Variants in RPTOR observed in about 807,000 individuals in gnomAD.
The protein encoded by RPTOR is regulatory-associated protein of mTOR.
Under a neutral mutation model 169.9 loss-of-function variants are expected in RPTOR, and 21 were observed. The ratio of observed to expected loss-of-function variants is 0.12; its 90% CI spans 0.09 to 0.18. The LOEUF (loss-of-function observed/expected upper bound fraction) is 0.18, where lower values mean the gene tolerates loss of function less well. RPTOR is among the 10% of genes least tolerant of loss of function. RPTOR has a pLI of 1.00. For missense variants in RPTOR, 1,133 were observed against 1,855.9 expected (o/e 0.61, Z 7.16); for synonymous variants, 732 against 753.2 (o/e 0.97, Z 0.46).
At chr17:80,683,614 C>T (rs1410170475) in intron 3 of RPTOR, among the ~76,000 whole-genome samples, 1 of 152,074 alleles carries the variant, frequency 6.6e-6, no homozygotes, top group Non-Finnish European at 1.5e-5. Flanking sequence ...TTTTTCTTCC[C>T]TTCGCCCCCA....
At chr17:80,623,183 T>C (rs984894908) in intron 1 of RPTOR, among the ~76,000 whole-genome samples, 10 of 152,178 alleles carry the variant, frequency 6.6e-5, no homozygotes, top group African/African-American at 2.4e-4. Flanking sequence ...GTCAATACGC[T>C]AAGATCTAAA....
chr17:80,598,558 C>T (rs1309168357), intron 1 of RPTOR, among the ~76,000 whole-genome samples: 1 of 152,208 alleles, frequency 6.6e-6, no homozygotes, highest in Non-Finnish European at 1.5e-5. Context: ...CAGGAACGTT[C>T]GCATTTGCAG....
intron 4 of RPTOR, among the ~76,000 whole-genome samples, chr17:80,710,026 GAGTACAGTGGCA>G (rs2066174347): frequency 6.6e-6 from 1 of 151,516 alleles, no homozygotes; most frequent in Admixed American, 6.6e-5. Flanking sequence ...ACCCAGGCTG[GAGTACAGTGGCA>G]TGATCATGGC....
At chr17:80,671,839 G>A (rs2065824216) in intron 3 of RPTOR, among the ~76,000 whole-genome samples, 2 of 152,284 alleles carry the variant, frequency 1.3e-5, no homozygotes, top group East Asian at 1.9e-4. Context: ...GGTGTGCGTG[G>A]TGTTCTTTGC....
At chr17:80,926,798 C>T (rs4969227) in intron 24 of RPTOR, among the ~76,000 whole-genome samples, 45,668 of 152,166 alleles carry the variant, frequency 0.3, 7,049 homozygotes, top group Middle Eastern at 0.36. Flanking sequence ...ACTAGAGATT[C>T]GCAAATGGCG....
chr17:80,902,975 C>A (rs2068495293), intron 20 of RPTOR, among the ~76,000 whole-genome samples: 1 of 152,258 alleles, frequency 6.6e-6, no homozygotes, highest in Admixed American at 6.5e-5. Flanking sequence ...CAGCCTCATC[C>A]CGAGAGCGCT....
intron 3 of RPTOR, among the ~76,000 whole-genome samples, chr17:80,666,949 C>T (rs1027403330): frequency 2.6e-5 from 4 of 152,190 alleles, no homozygotes; most frequent in Non-Finnish European, 5.9e-5. Context: ...CTTTATAGTC[C>T]AGCCAACAGC....
Position 80,925,355 on chromosome 17 carries a change from G to T in RPTOR, c.2809-15G>T. On this transcript the variant is annotated splice_polypyrimidine_tract_variant and intron_variant, in intron 23 of 33. Transcript: ENST00000306801. ...GTTTCTTTTTCCTTCCAACCCTCCTGCTTAAACCCTGAAGACTGCGGACGA... is the reference window on the plus strand; with the variant it reads ...GTTTCTTTTTCCTTCCAACCCTCCTTCTTAAACCCTGAAGACTGCGGACGA... The T allele has an allele frequency of 1.2e-6, 2 of 1,610,604 alleles. No homozygotes were observed. The highest frequency in any genetic ancestry group is 8.5e-7 in the Non-Finnish European group (1 of 1,177,590).
At chr17:80,858,174 G>A in intron 13 of RPTOR, 1 of 476,950 alleles carries the variant, frequency 2.1e-6, no homozygotes, top group Non-Finnish European at 3.8e-6. Flanking sequence ...GCCTTCCCCT[G>A]GTGCCCTGCA....
At chr17:80,555,796 C>T (rs1486087000) in intron 1 of RPTOR, among the ~76,000 whole-genome samples, 1 of 152,132 alleles carries the variant, frequency 6.6e-6, no homozygotes, top group Non-Finnish European at 1.5e-5. Flanking sequence ...GGGGAGCTGT[C>T]CCAGGATTCC....
intron 5 of RPTOR, among the ~76,000 whole-genome samples, chr17:80,738,061 A>G (rs1225253034): frequency 6.6e-6 from 1 of 152,140 alleles, no homozygotes; most frequent in Non-Finnish European, 1.5e-5. Flanking sequence ...TGGCGAGCTG[A>G]CTTGCCAACC....
intron 4 of RPTOR, among the ~76,000 whole-genome samples, chr17:80,710,472 A>G (rs1486518423): frequency 6.6e-6 from 1 of 152,114 alleles, no homozygotes; most frequent in Non-Finnish European, 1.5e-5. Flanking sequence ...TTGTAAAACA[A>G]AAACAATCAC....
rs3042670 is a variant in RPTOR at position 80,823,641 on chromosome 17, TCACACACA to T, written c.1136+449_1136+456del. 0.029 allele frequency: 4,523 copies of T among 157,070 alleles called. 163 individuals are homozygous for T. The highest frequency in any genetic ancestry group is 0.088 in the African/African-American group (3,559 of 40,586). The allele number at this position is 157,070 out of a possible 1,614,324, so 9.7% of individuals were successfully genotyped here. A position where few individuals can be genotyped will look rare whatever the true frequency, so the allele number is the denominator to read the frequency against. On this transcript the variant is annotated intron_variant, in intron 9 of 33. Transcript: ENST00000306801. The surrounding 1 kb of genome is among the most constrained non-coding windows in gnomAD (Gnocchi z 4.5). ...ATCAATTAGTTTTTATGCTTATTTC[TCACACACA>T]CACACACACACACACACACACACAC...
At chr17:80,836,628 G>A (rs1390583473) in intron 9 of RPTOR, among the ~76,000 whole-genome samples, 1 of 152,148 alleles carries the variant, frequency 6.6e-6, no homozygotes, top group Non-Finnish European at 1.5e-5. Context: ...GGGGTACCAC[G>A]AGAAGGCCAG....
At chr17:80,949,284 G>T (rs1422130453) in intron 27 of RPTOR, among the ~76,000 whole-genome samples, 159 bp from the exon 28 acceptor site, 1 of 152,180 alleles carries the variant, frequency 6.6e-6, no homozygotes, top group East Asian at 1.9e-4. Flanking sequence ...AGTCCAGTCG[G>T]TGGGCACCCA....
At chr17:80,618,795 T>A (rs2065332916) in intron 1 of RPTOR, among the ~76,000 whole-genome samples, 1 of 151,990 alleles carries the variant, frequency 6.6e-6, no homozygotes, top group African/African-American at 2.4e-5. Flanking sequence ...AAATAGAGAG[T>A]CTCCCAAGCT....
chr17:80,655,503 C>T (rs1030638619), intron 3 of RPTOR, among the ~76,000 whole-genome samples: 10 of 152,016 alleles, frequency 6.6e-5, no homozygotes, highest in Non-Finnish European at 1.5e-4. Flanking sequence ...CCTGGGCTCA[C>T]GCTATCCTCT....
intron 6 of RPTOR, among the ~76,000 whole-genome samples, chr17:80,784,725 T>C (rs1280015636): frequency 6.8e-6 from 1 of 147,454 alleles, no homozygotes; most frequent in Non-Finnish European, 1.5e-5. Context: ...TGAGACAGAG[T>C]TTCGCTCTTT....
In RPTOR at chr17:80,823,141, T is replaced by C. The variant is rs1315605679; in HGVS notation, c.1054T>C (p.Leu352=). 4 of 1,614,196 alleles carry C rather than the reference T, an allele frequency of 2.5e-6. No homozygotes were observed. The highest frequency in any genetic ancestry group is 1.6e-4 in the Middle Eastern group (1 of 6,062). Residue 352 remains leucine, a synonymous_variant, in exon 9 of 34, where the codon TTG becomes CTG. Coordinates refer to ENST00000306801, the MANE Select transcript of RPTOR (RefSeq NM_020761.3). The surrounding 1 kb of genome is among the most constrained non-coding windows in gnomAD (Gnocchi z 4.5). ...GGCTAGTCTGTTTCGAAATTTTTTA[T>C]TGGCGGAAAGGATTATGAGGTCGTA... ...LVASLFRNFL[L]AERIMRSYNC... is the part of the protein sequence containing the mutation.
Sources: gnomAD v4.1 joint callset for allele counts (sites outside exome capture counted in the v4.1 genomes callset) on GRCh38, gnomAD v4.1.1 for gene constraint, Gnocchi (gnomAD v3.1) non-coding constraint, MANE v1.5 for transcripts, NCBI Gene and HGNC (gene_info 2026-07-23, HGNC 2026-07-21) for gene names.